Variants in ZNF469 observed in about 807,000 individuals in gnomAD.
ZNF469 encodes zinc finger protein 469.
A neutral mutation model predicts 1.0 loss-of-function variants in ZNF469; 1 was observed. The observed-to-expected ratio is 1.00, with a 90% CI of 0.35 to 4.73. ZNF469 has a LOEUF of 4.73. Ranked by LOEUF, ZNF469 falls within the 30% of genes most tolerant of loss-of-function variation. ZNF469 has a pLI of 0.16. For synonymous variants in ZNF469, 2,703 were observed against 2,363.4 expected, an observed-to-expected ratio of 1.14 and a Z score of -4.17; for missense variants, 6,100 against 5,356.3, an observed-to-expected ratio of 1.14 and a Z score of -4.33.
chr16:88,332,112 G>GTC, the ZNF469 span, among the ~76,000 whole-genome samples: 3 of 152,222 alleles, frequency 2.0e-5, no homozygotes, highest in Non-Finnish European at 4.4e-5. Flanking sequence ...GGGACAGGGA[G>GTC]TCTCTCTCCA....
the ZNF469 span, among the ~76,000 whole-genome samples, chr16:88,146,840 C>A: frequency 1.3e-5 from 2 of 151,990 alleles, no homozygotes; most frequent in African/African-American, 4.8e-5. Context: ...TGGGGCTGAA[C>A]GTGACCAACG....
At chr16:88,106,000 A>T in the ZNF469 span, among the ~76,000 whole-genome samples, 20 of 152,230 alleles carry the variant, frequency 1.3e-4, no homozygotes, top group Non-Finnish European at 2.1e-4. Context: ...CGGGCCCAGT[A>T]AGCTGCTTTC....
chr16:88,180,022 A>T, the ZNF469 span, among the ~76,000 whole-genome samples: 1 of 152,252 alleles, frequency 6.6e-6, no homozygotes, highest in Non-Finnish European at 1.5e-5. Context: ...ATAACAAGGC[A>T]ATAGTGAAGA....
chr16:88,124,258 A>G, the ZNF469 span, among the ~76,000 whole-genome samples: 4 of 152,054 alleles, frequency 2.6e-5, no homozygotes, highest in Non-Finnish European at 5.9e-5. Context: ...TTTTGAGACA[A>G]AGTCTCACTC....
At chr16:88,309,524 G>A in the ZNF469 span, among the ~76,000 whole-genome samples, 33 of 115,540 alleles carry the variant, frequency 2.9e-4, no homozygotes, top group East Asian at 9.6e-4. Context: ...CTGAGGTCCC[G>A]TCTCGGTGTT....
the ZNF469 span, among the ~76,000 whole-genome samples, chr16:88,170,780 G>A: frequency 1.1e-4 from 17 of 152,258 alleles, no homozygotes; most frequent in East Asian, 5.8e-4. This position sits in a 1 kb window ranked among gnomAD's most constrained non-coding sequence, Gnocchi z 4.2. Flanking sequence ...ATAGGTACCC[G>A]TTGATGGGGT....
At chr16:88,279,188 C>G in the ZNF469 span, among the ~76,000 whole-genome samples, 4 of 138,078 alleles carry the variant, frequency 2.9e-5, no homozygotes, top group African/African-American at 5.0e-5. Flanking sequence ...ACGGTTAGTG[C>G]TGCGCCACGC....
chr16:88,239,692 TATATATATATATATATATATA>T, the ZNF469 span, among the ~76,000 whole-genome samples: 1 of 5,952 alleles, frequency 1.7e-4, no homozygotes, highest in African/African-American at 8.3e-4. Flanking sequence ...TATATATATA[TATATATATATATATATATATA>T]TATTTTTTTT....
the ZNF469 span, among the ~76,000 whole-genome samples, chr16:88,334,020 G>A: frequency 4.0e-5 from 6 of 151,824 alleles, no homozygotes; most frequent in South Asian, 1.3e-3. Context: ...TTGTGTGTGT[G>A]TGTCTGTGTG....
chr16:88,318,816 C>T, the ZNF469 span, among the ~76,000 whole-genome samples: 12 of 152,360 alleles, frequency 7.9e-5, no homozygotes, highest in East Asian at 1.2e-3. Context: ...TCCCGAACAG[C>T]GCGTGCAAGG....
chr16:88,356,007 G>A, the ZNF469 span, among the ~76,000 whole-genome samples: 2 of 152,154 alleles, frequency 1.3e-5, no homozygotes, highest in African/African-American at 4.8e-5. Flanking sequence ...ACCCCCTGAG[G>A]CCCTCTGAGG....
chr16:88,114,567 C>G, the ZNF469 span, among the ~76,000 whole-genome samples: 4 of 152,200 alleles, frequency 2.6e-5, no homozygotes, highest in African/African-American at 9.7e-5. Context: ...CAGCTGACTT[C>G]CCAGGCCATG....
the ZNF469 span, among the ~76,000 whole-genome samples, chr16:88,286,507 T>C: frequency 6.6e-6 from 1 of 152,252 alleles, no homozygotes; most frequent in African/African-American, 2.4e-5. Flanking sequence ...CATGCCATCC[T>C]CTGGCTGCTG....
chr16:88,283,317 A>T, the ZNF469 span, among the ~76,000 whole-genome samples: 1 of 152,128 alleles, frequency 6.6e-6, no homozygotes, highest in East Asian at 1.9e-4. Flanking sequence ...AAGCAACCAT[A>T]AACAAATGTT....
chr16:88,152,936 C>G, the ZNF469 span, among the ~76,000 whole-genome samples: 2 of 152,336 alleles, frequency 1.3e-5, no homozygotes, highest in East Asian at 3.9e-4. The surrounding 1 kb of genome is among the most constrained non-coding windows in gnomAD (Gnocchi z 4.2). Flanking sequence ...CAAATGCCGT[C>G]TCCTCCACCT....
chr16:88,404,594 G>A (rs1904975458), intron 1 of ZNF469, among the ~76,000 whole-genome samples: 1 of 152,212 alleles, frequency 6.6e-6, no homozygotes, highest in African/African-American at 2.4e-5. Flanking sequence ...CCTTGGAAAG[G>A]TGGAAGGCTC....
chr16:88,437,396 C>G lies in ZNF469; in HGVS notation c.9926C>G (p.Pro3309Arg), dbSNP rs1464428497. ...AGCCCGGGCCCCCCCAGGACGACCC[C>G]CAGCCCGTCCCCCGACCCCTGGGCC... The part of the protein sequence containing the change: ...AGSPGPPRTT[P>R]SPSPDPWAGG... The change falls in exon 3 of 3, where the codon CCC becomes CGC. Residue 3309 changes from proline (P) to arginine (R), a missense_variant. By Grantham distance (103) the Pro-to-Arg change is moderately radical. Transcript: ENST00000565624. The G allele has an allele frequency of 2.6e-6, 4 of 1,531,928 alleles. No homozygotes were observed. In the African/African-American group the frequency reaches 5.6e-5, roughly 21 times the overall value. The allele number at this position is 1,531,928 out of a possible 1,614,324, so 94.9% of individuals were successfully genotyped here.
chr16:88,439,179 GCCC>G lies in ZNF469; in HGVS notation c.11713_11715del (p.Pro3905del). The stretch of plus-strand genomic sequence containing the variant: ...TCCCCCAGGGGAGACCCCTGCTCAG[GCCC>G]CCCAAGAGGGGCACAGCTGTCCACG... On this transcript the variant is annotated inframe_deletion, in exon 3 of 3. Coordinates refer to ENST00000565624, the MANE Select transcript of ZNF469 (RefSeq NM_001367624.2). 6.4e-7 allele frequency: 1 copy of G among 1,550,422 alleles called. No individual in the cohort carries two copies. Among genetic ancestry groups the G allele is most frequent in the Non-Finnish European group, 8.7e-7 (1 of 1,146,970 alleles).
At chr16:88,425,322 G>C (rs1464916591) in intron 2 of ZNF469, among the ~76,000 whole-genome samples, 3 of 152,198 alleles carry the variant, frequency 2.0e-5, no homozygotes, top group Non-Finnish European at 4.4e-5. Context: ...TCTGGCCATG[G>C]GTAGGGGGGT....
Sources: allele counts gnomAD v4.1 joint callset (sites outside exome capture counted in the v4.1 genomes callset), GRCh38; gene constraint gnomAD v4.1.1; non-coding constraint Gnocchi (gnomAD v3.1); transcripts MANE v1.5; gene names NCBI Gene and HGNC (gene_info 2026-07-23, HGNC 2026-07-21).